The following AMOTL1 variants were observed in gnomAD, a reference collection of about 807,000 sequenced individuals.
The protein encoded by AMOTL1 is angiomotin like 1.
Under a neutral mutation model 102.9 loss-of-function variants are expected in AMOTL1, and 45 were observed. The observed-to-expected ratio is 0.44, with a 90% CI of 0.34 to 0.56. The LOEUF is 0.56. AMOTL1 is among the 20% of genes least tolerant of loss of function. The pLI, the probability that AMOTL1 is intolerant of heterozygous loss-of-function variation, is 0.01. For synonymous variants in AMOTL1, 481 were observed against 484.7 expected (o/e 0.99, Z 0.10); for missense variants, 1,114 against 1,225.6 (o/e 0.91, Z 1.36).
In AMOTL1 at chr11:94,741,636, A is replaced by C. The variant is rs138670890; in HGVS notation, c.136+648A>C. ...TTGTCAAGAGACAGGCTGAAGAGAG[A>C]GTGAAGAGAAGGAAATGCGAATGGG... On this transcript the variant is annotated intron_variant, in intron 3 of 4. Transcript: ENST00000299004. 1.2e-3 allele frequency among the ~76,000 whole-genome samples: 189 copies of C among 151,956 alleles called. 1 individual carries two copies. The highest frequency in any genetic ancestry group is 4.4e-3 in the African/African-American group (181 of 41,436).
intron 6 of AMOTL1, among the ~76,000 whole-genome samples, chr11:94,848,591 C>T (rs982534152): frequency 2.6e-5 from 4 of 152,164 alleles, no homozygotes; most frequent in Non-Finnish European, 5.9e-5. Context: ...TCAGGAAGAC[C>T]AGATTCTGGC....
chr11:94,844,830 C>T (rs1952375136), intron 6 of AMOTL1, among the ~76,000 whole-genome samples: 1 of 152,170 alleles, frequency 6.6e-6, no homozygotes, highest in Non-Finnish European at 1.5e-5. Context: ...TAGCAAACAC[C>T]TATGTTTTAC....
In AMOTL1 at chr11:94,800,177, G is replaced by T. The variant is rs757838505; in HGVS notation, c.987G>T (p.Glu329Asp). 11 of 1,613,856 alleles carry T rather than the reference G, an allele frequency of 6.8e-6. 1 individual carries two copies. The highest frequency in any genetic ancestry group is 5.5e-5 in the South Asian group (5 of 91,086). The change falls in exon 3 of 13, where the codon GAG (glutamate) becomes GAT (aspartate). Residue 329 changes from glutamate (E) to aspartate (D), a missense_variant. Coordinates refer to ENST00000433060, the MANE Select transcript of AMOTL1 (RefSeq NM_130847.3). ...QMMSPVSKTQ[E>D]HGLFYGDQHP... is the part of the protein sequence containing the mutation. ...TGTCCCCAGTCAGCAAGACCCAGGA[G>T]CACGGACTTTTTTATGGTGACCAGC...
intron 8 of AMOTL1, among the ~76,000 whole-genome samples, chr11:94,857,891 C>G (rs1225143329): frequency 6.6e-6 from 1 of 152,104 alleles, no homozygotes; most frequent in Non-Finnish European, 1.5e-5. Flanking sequence ...GTAGCTGGCA[C>G]ACCTGACCAT....
At chr11:94,824,381 T>C (rs954273257) in intron 4 of AMOTL1, among the ~76,000 whole-genome samples, 2 of 152,202 alleles carry the variant, frequency 1.3e-5, no homozygotes, top group African/African-American at 4.8e-5. Flanking sequence ...AAGTTGCAGT[T>C]TCCAAGAACC....
Position 94,853,999 on chromosome 11 carries a change from T to G in AMOTL1, c.1861T>G (p.Ser621Ala), listed in dbSNP as rs199857374. ...GCAGCAGGCCCTGACCCAGCTGCAG[T>G]CTGCATGTGAGAAGCGAGAACAGAT... ...KLQQALTQLQ[S>A]ACEKREQMER... Residue 621 changes from serine to alanine, a missense_variant, in exon 8 of 13, where the codon TCT (serine) becomes GCT (alanine). By Grantham distance (99) the Ser-to-Ala change is moderately conservative (BLOSUM62 1). Coordinates refer to ENST00000433060, the MANE Select transcript of AMOTL1 (RefSeq NM_130847.3). 1.7e-4 allele frequency: 274 copies of G among 1,596,060 alleles called. 1 individual carries two copies. The highest frequency in any genetic ancestry group is 5.8e-4 in the Admixed American group (33 of 57,124).
At position 94,859,683 on chromosome 11, in the gene AMOTL1, C is replaced by T. The variant is rs780719900; in HGVS notation, c.2103C>T (p.Ala701=). ...AGGAGAGCACCATCCGACACTTTGC[C>T]ATGAATGCCGCAGCCACTGCAGCAG... The part of the protein sequence containing the change: ...YLEESTIRHF[A]MNAAATAAAE... The change falls in exon 9 of 13, where the codon GCC becomes GCT. Residue 701 remains alanine (A), a synonymous_variant. Transcript: ENST00000433060. 3.1e-6 allele frequency: 5 copies of T among 1,611,802 alleles called. No homozygotes were observed. The highest frequency in any genetic ancestry group is 1.3e-5 in the African/African-American group (1 of 74,870).
chr11:94,772,521 G>A (rs1170090116), intron 1 of AMOTL1, among the ~76,000 whole-genome samples: 5 of 152,090 alleles, frequency 3.3e-5, no homozygotes, highest in African/African-American at 4.8e-5. Context: ...AATGCCATGG[G>A]GATCCATCCA....
In AMOTL1 at chr11:94,819,502, G is replaced by A. The variant is rs180732458; in HGVS notation, c.1122-2028G>A. Among the ~76,000 whole-genome samples the A allele has an allele frequency of 1.2e-3, 185 of 152,190 alleles. 1 individual carries two copies. Among genetic ancestry groups the A allele is most frequent in the African/African-American group, 4.2e-3 (176 of 41,520 alleles). The stretch of plus-strand genomic sequence containing the variant: ...CTATTCTTTTACCCTCCTCTCACAC[G>A]TAAATTGTGTATTCAGTGAAAAGCT... On this transcript the variant is annotated intron_variant, in intron 3 of 12. Coordinates refer to ENST00000433060, the MANE Select transcript of AMOTL1 (RefSeq NM_130847.3).
At chr11:94,774,672 T>C (rs1304588199) in intron 1 of AMOTL1, among the ~76,000 whole-genome samples, 1 of 152,148 alleles carries the variant, frequency 6.6e-6, no homozygotes, top group Non-Finnish European at 1.5e-5. Context: ...GTTTCCTTGG[T>C]TGATTGAGGA....
At chr11:94,725,389 A>G (rs758812924) in intron 1 of AMOTL1, among the ~76,000 whole-genome samples, 4 of 152,162 alleles carry the variant, frequency 2.6e-5, no homozygotes, top group Non-Finnish European at 5.9e-5. Context: ...TACTTTTCAA[A>G]AAGACATGTT....
chr11:94,870,961 A>G lies in AMOTL1; in HGVS notation c.*166A>G, dbSNP rs1952984399. ...TTTATAAATGTTAAACACAAAAACT[A>G]CATGACTGAAGATAGAAGAGAATGC... On this transcript the variant is annotated 3_prime_UTR_variant, in exon 13 of 13. Transcript: ENST00000433060. The G allele has an allele frequency of 1.9e-6, 1 of 535,768 alleles. No individual in the cohort carries two copies. Among genetic ancestry groups the G allele is most frequent in the Non-Finnish European group, 3.2e-6 (1 of 309,390 alleles). The allele number at this position is 535,768 out of a possible 1,614,324, so 33.2% of individuals were successfully genotyped here.
intron 7 of AMOTL1, among the ~76,000 whole-genome samples, chr11:94,853,581 C>A (rs1395618674): frequency 6.6e-6 from 1 of 152,136 alleles, no homozygotes; most frequent in African/African-American, 2.4e-5. Context: ...AATAGTCCTG[C>A]AATAAACATA....
At chr11:94,830,808 A>T (rs1952054147) in intron 5 of AMOTL1, among the ~76,000 whole-genome samples, 1 of 152,242 alleles carries the variant, frequency 6.6e-6, no homozygotes, top group South Asian at 2.1e-4. Flanking sequence ...CAGTTGCTTC[A>T]TATGTCAAAA....
intron 1 of AMOTL1, among the ~76,000 whole-genome samples, chr11:94,779,943 G>A (rs185194402): frequency 3.3e-5 from 5 of 152,308 alleles, no homozygotes; most frequent in Admixed American, 3.3e-4. Context: ...AAATTGCCAT[G>A]TATGTTATGA....
intron 1 of AMOTL1, among the ~76,000 whole-genome samples, chr11:94,719,574 G>A (rs1184681683): frequency 1.3e-5 from 2 of 151,582 alleles, no homozygotes; most frequent in African/African-American, 4.8e-5. Flanking sequence ...AAATGTGTGT[G>A]TGTGTGTGTG....
intron 1 of AMOTL1, among the ~76,000 whole-genome samples, chr11:94,723,291 T>C (rs1950203650): frequency 6.6e-6 from 1 of 152,100 alleles, no homozygotes; most frequent in Non-Finnish European, 1.5e-5. Context: ...TATAAAAAGC[T>C]GTGAGAAGCA....
chr11:94,748,806 A>T (rs1950617669), intron 3 of AMOTL1, among the ~76,000 whole-genome samples: 1 of 152,170 alleles, frequency 6.6e-6, no homozygotes, highest in South Asian at 2.1e-4. Context: ...GACCAATAAG[A>T]AGCACTGGCA....
intron 9 of AMOTL1, 66 bp downstream of exon 9, chr11:94,859,781 G>T (rs1952738675): frequency 6.7e-7 from 1 of 1,489,368 alleles, no homozygotes; most frequent in South Asian, 1.4e-5. Flanking sequence ...AAACAAACAG[G>T]CTATCCAGAG....
Sources: gnomAD v4.1 joint callset for allele counts (sites outside exome capture counted in the v4.1 genomes callset) on GRCh38, gnomAD v4.1.1 for gene constraint, MANE v1.5 for transcripts, NCBI Gene and HGNC (gene_info 2026-07-23, HGNC 2026-07-21) for gene names.